The following RIMS2 variants were observed in gnomAD, a reference collection of about 807,000 sequenced individuals.
RIMS2 encodes the protein regulating synaptic membrane exocytosis protein 2.
Under a neutral mutation model 174.4 loss-of-function variants are expected in RIMS2, and 59 were observed. The ratio of observed to expected loss-of-function variants is 0.34; its 90% CI spans 0.27 to 0.42. The LOEUF is 0.42. Among genes scored for constraint, RIMS2 ranks in the 10% least tolerant of loss-of-function variants. The probability of loss-of-function intolerance (pLI) is 1.00; values close to 1 mark genes in which losing one functional copy is unlikely to be tolerated. For missense variants in RIMS2, 1,620 were observed against 1,666.3 expected, an observed-to-expected ratio of 0.97 and a Z score of 0.48; for synonymous variants, 606 against 572.5, an observed-to-expected ratio of 1.06 and a Z score of -0.84.
chr8:103,886,554 A>G (rs2099203034), intron 4 of RIMS2, among the ~76,000 whole-genome samples: 1 of 151,874 alleles, frequency 6.6e-6, no homozygotes, highest in Non-Finnish European at 1.5e-5. Context: ...GTCTCCTTAT[A>G]AAAGTAACAA....
intron 19 of RIMS2, among the ~76,000 whole-genome samples, chr8:104,073,704 A>C (rs1382310026): frequency 6.6e-6 from 1 of 152,184 alleles, no homozygotes; most frequent in Non-Finnish European, 1.5e-5. Context: ...TAATAAAATA[A>C]AGGAAAAGAA....
chr8:103,696,548 A>G (rs1484296158), intron 1 of RIMS2, among the ~76,000 whole-genome samples: 1 of 152,156 alleles, frequency 6.6e-6, no homozygotes, highest in Non-Finnish European at 1.5e-5. Context: ...AACATATTAT[A>G]TTAATTGGTT....
In RIMS2 at chr8:103,742,513, G is replaced by A. The variant is rs567127304; in HGVS notation, c.388-23714G>A. Among the ~76,000 whole-genome samples the A allele has an allele frequency of 2.0e-5, 3 of 152,158 alleles. No homozygotes were observed. The South Asian group carries it at 6.2e-4, about 32-fold the overall frequency. On this transcript the variant is annotated intron_variant, in intron 2 of 23. Transcript: ENST00000504942. ...AGGGTTTAATACAATTGCACTGACA[G>A]ACTTACCAGGCAACATCCTTTTAGC...
chr8:103,904,342 C>T (rs1398750392), intron 4 of RIMS2, among the ~76,000 whole-genome samples: 1 of 151,886 alleles, frequency 6.6e-6, no homozygotes. Context: ...TTGGTTGTTT[C>T]CACTTTTTGC....
chr8:103,918,078 C>A (rs2076946315), intron 8 of RIMS2, among the ~76,000 whole-genome samples: 1 of 152,104 alleles, frequency 6.6e-6, no homozygotes, highest in Non-Finnish European at 1.5e-5. Context: ...TTTAGAATAG[C>A]AGGTAAAACC....
chr8:103,637,141 T>C (rs1251441566), intron 1 of RIMS2, among the ~76,000 whole-genome samples: 1 of 152,202 alleles, frequency 6.6e-6, no homozygotes, highest in Non-Finnish European at 1.5e-5. Context: ...GTAGGATGTT[T>C]ATCCAGATTT....
At chr8:103,841,097 G>T (rs1413711905) in intron 3 of RIMS2, among the ~76,000 whole-genome samples, 1 of 152,162 alleles carries the variant, frequency 6.6e-6, no homozygotes, top group East Asian at 1.9e-4. Context: ...AGAGAAAACT[G>T]TTGCTGTAGT....
At chr8:104,179,588 T>C (rs2098928264) in intron 19 of RIMS2, among the ~76,000 whole-genome samples, 1 of 151,964 alleles carries the variant, frequency 6.6e-6, no homozygotes, top group African/African-American at 2.4e-5. Context: ...ATATCTATTT[T>C]GTGCTTAGTA....
intron 19 of RIMS2, among the ~76,000 whole-genome samples, chr8:104,018,589 A>G (rs1056624671): frequency 2.6e-5 from 4 of 152,184 alleles, no homozygotes; most frequent in African/African-American, 9.7e-5. Context: ...CTTTACATTC[A>G]GTTCATTTGT....
At chr8:104,253,863 G>C (rs188108691), downstream of RIMS2, 1 of 152,098 alleles carries the variant, frequency 6.6e-6, no homozygotes, top group Non-Finnish European at 1.5e-5. Flanking sequence ...GTTAAAATGA[G>C]TATCACTAAA....
At chr8:104,079,616 T>TTC (rs2097369592) in intron 19 of RIMS2, among the ~76,000 whole-genome samples, 3 of 129,720 alleles carry the variant, frequency 2.3e-5, no homozygotes, top group African/African-American at 8.5e-5. Context: ...TATATATATA[T>TTC]ATATATATAT....
intron 1 of RIMS2, among the ~76,000 whole-genome samples, chr8:103,511,667 G>T (rs1826497384): frequency 6.6e-6 from 1 of 152,120 alleles, no homozygotes; most frequent in Admixed American, 6.5e-5. Context: ...GAAAAAGAAA[G>T]TAATCCAAGA....
chr8:103,682,866 C>G (rs2096896897), intron 1 of RIMS2, among the ~76,000 whole-genome samples: 1 of 152,090 alleles, frequency 6.6e-6, no homozygotes, highest in African/African-American at 2.4e-5. Flanking sequence ...CCATTTGATT[C>G]CATTTTGCAG....
intron 1 of RIMS2, among the ~76,000 whole-genome samples, chr8:103,673,980 T>G (rs2096777448): frequency 6.6e-6 from 1 of 152,230 alleles, no homozygotes; most frequent in Non-Finnish European, 1.5e-5. Flanking sequence ...TTTTTGCTGC[T>G]TAGAAATTTC....
At chr8:104,217,139 A>C (rs1388827122) in intron 19 of RIMS2, among the ~76,000 whole-genome samples, 5 of 152,130 alleles carry the variant, frequency 3.3e-5, no homozygotes, top group Admixed American at 3.3e-4. Context: ...TCTTACCATT[A>C]GTTTTTAGCT....
At position 103,966,633 on chromosome 8, in the gene RIMS2, C is replaced by G. The variant is rs555551544; in HGVS notation, c.2770+5500C>G. The stretch of plus-strand genomic sequence containing the variant: ...TTCAATTTTACTGACTCTAATTCTA[C>G]TATTTATTTTGTAACTGCTTACTTT... On this transcript the variant is annotated intron_variant, in intron 15 of 23. Coordinates refer to ENST00000504942, the Ensembl canonical transcript of RIMS2. Among the ~76,000 whole-genome samples, 78 of 152,076 alleles carry G rather than the reference C, an allele frequency of 5.1e-4. 1 individual carries two copies. The highest frequency in any genetic ancestry group is 8.8e-4 in the Non-Finnish European group (60 of 67,950).
intron 3 of RIMS2, among the ~76,000 whole-genome samples, chr8:103,817,958 T>C (rs1025370416): frequency 4.6e-5 from 7 of 151,986 alleles, no homozygotes; most frequent in Non-Finnish European, 7.4e-5. Context: ...ACAAATAGAT[T>C]GGTGTATACC....
rs1478422019 is a variant in RIMS2, at chr8:104,080,219, C to G, written c.3334+65604C>G. Among the ~76,000 whole-genome samples the G allele has an allele frequency of 2.0e-5, 3 of 151,858 alleles. No homozygotes were observed. In the South Asian group the frequency reaches 6.2e-4, roughly 32 times the overall value. On this transcript the variant is annotated intron_variant, in intron 19 of 23. Transcript: ENST00000504942. ...TTTTTCTATCTACAAATTGAAGGAA[C>G]CTTATAAAGTGTTAAACAAATATGT...
chr8:103,937,058 A>G (rs2081429574), intron 13 of RIMS2, among the ~76,000 whole-genome samples: 1 of 152,002 alleles, frequency 6.6e-6, no homozygotes, highest in Non-Finnish European at 1.5e-5. Context: ...AGATCGCGCC[A>G]CTGCACTCCA....
Sources: allele counts gnomAD v4.1 joint callset (sites outside exome capture counted in the v4.1 genomes callset), GRCh38; gene constraint gnomAD v4.1.1; transcripts MANE v1.5; gene names NCBI Gene and HGNC (gene_info 2026-07-23, HGNC 2026-07-21).